LNX1: variants seen among roughly 807,000 people sequenced by gnomAD.
LNX1 encodes E3 ubiquitin-protein ligase LNX.
In LNX1, 54 loss-of-function variants were observed where a neutral mutation model predicts 68.4. That is an observed-to-expected ratio of 0.79 (90% CI 0.63 to 0.99). The LOEUF (loss-of-function observed/expected upper bound fraction) is 0.99. Ranked by LOEUF, LNX1 falls within the 50% of genes least tolerant of loss-of-function variation. The pLI, the probability that LNX1 is intolerant of heterozygous loss-of-function variation, is 0.00. For synonymous variants in LNX1, 336 were observed against 350.0 expected (o/e 0.96, Z 0.45); for missense variants, 906 against 926.4 (o/e 0.98, Z 0.29).
intron 2 of LNX1, chr4:53,558,053 C>T: frequency 1.3e-6 from 2 of 1,571,754 alleles, no homozygotes; most frequent in Non-Finnish European, 1.7e-6. Context: ...GCAAACCTTG[C>T]CATGCCCCCA....
intron 2 of LNX1, among the ~76,000 whole-genome samples, chr4:53,606,486 C>CA (rs34922679): frequency 0.012 from 1,787 of 150,788 alleles, 23 homozygotes; most frequent in African/African-American, 0.039. Context: ...AAAAAACAAA[C>CA]AAAAAAAAAA....
intron 2 of LNX1, among the ~76,000 whole-genome samples, chr4:53,529,102 A>AACAC (rs201017055): frequency 0.33 from 45,110 of 138,258 alleles, 7,347 homozygotes; most frequent in East Asian, 0.43. Context: ...AGTCCTGACC[A>AACAC]ACACACACAC....
chr4:53,467,389 GA>G (rs1278237077), intron 9 of LNX1, among the ~76,000 whole-genome samples: 1 of 152,110 alleles, frequency 6.6e-6, no homozygotes, highest in African/African-American at 2.4e-5. Flanking sequence ...CAAAGATGGA[GA>G]AAAAACAGAG....
intron 1 of LNX1, among the ~76,000 whole-genome samples, chr4:53,588,509 T>C (rs887492160): frequency 6.6e-6 from 1 of 152,132 alleles, no homozygotes; most frequent in Non-Finnish European, 1.5e-5. Flanking sequence ...CAGACCACTA[T>C]TCTAAAGCAG....
chr4:53,507,964 G>A lies in LNX1; in HGVS notation c.622+22C>T, dbSNP rs760782844. The A allele has an allele frequency of 5.0e-6, 8 of 1,602,426 alleles. No homozygotes were observed. The South Asian group carries it at 7.7e-5, about 15-fold the overall frequency. ...TCGCAAGCCAAGGAGCCCATTCCCGGACAACCACCCATTTGACTCACCCCT... is the reference window on the plus strand; with the variant it reads ...TCGCAAGCCAAGGAGCCCATTCCCGAACAACCACCCATTTGACTCACCCCT... On this transcript the variant is annotated intron_variant, in intron 3 of 10. Transcript: ENST00000263925.
chr4:53,557,827 C>G, intron 2 of LNX1: 1 of 1,609,792 alleles, frequency 6.2e-7, no homozygotes, highest in Non-Finnish European at 8.5e-7. Context: ...CCACCCCCAA[C>G]ATACTAGGCA....
intron 2 of LNX1, among the ~76,000 whole-genome samples, chr4:53,550,892 G>C (rs1169603337): frequency 8.5e-5 from 13 of 152,164 alleles, no homozygotes; most frequent in Admixed American, 8.5e-4. Context: ...TGGATAGATG[G>C]AAATAGATAC....
intron 2 of LNX1, among the ~76,000 whole-genome samples, chr4:53,568,485 T>C (rs1730874026): frequency 6.6e-6 from 1 of 151,958 alleles, no homozygotes; most frequent in Non-Finnish European, 1.5e-5. Flanking sequence ...TAGGTATTGA[T>C]GGGACATATT....
intron 2 of LNX1, among the ~76,000 whole-genome samples, chr4:53,613,731 C>T (rs572374557): frequency 1.6e-4 from 24 of 152,188 alleles, no homozygotes; most frequent in African/African-American, 5.8e-4. Context: ...AGGTTGATTC[C>T]ATGTCTTTGC....
intron 1 of LNX1, among the ~76,000 whole-genome samples, chr4:53,628,840 C>T (rs58886448): frequency 0.096 from 14,569 of 152,186 alleles, 900 homozygotes; most frequent in Non-Finnish European, 0.14. Flanking sequence ...TTGGACGAAG[C>T]AGGAGGCCAT....
At chr4:53,532,083 G>A (rs753331687) in intron 2 of LNX1, among the ~76,000 whole-genome samples, 4 of 152,176 alleles carry the variant, frequency 2.6e-5, no homozygotes, top group African/African-American at 9.6e-5. Flanking sequence ...CAAGGATGAC[G>A]TTATTTCTAA....
chr4:53,459,870 G>T lies in LNX1; in HGVS notation c.*1037C>A, dbSNP rs940663644. Reference sequence around the variant, plus strand: ...CCTCTAAGGCTTGAGATTAAAACTAGTCTTTATCATTACTGCTGTGACACT... The same window carrying T: ...CCTCTAAGGCTTGAGATTAAAACTATTCTTTATCATTACTGCTGTGACACT... On this transcript the variant is annotated 3_prime_UTR_variant, in exon 11 of 11. Transcript: ENST00000263925. The T allele has an allele frequency of 4.2e-6, 1 of 237,268 alleles. No individual in the cohort carries two copies. Among genetic ancestry groups the T allele is most frequent in the African/African-American group, 2.2e-5 (1 of 44,842 alleles). The allele number at this position is 237,268 out of a possible 1,614,324, so 14.7% of individuals were successfully genotyped here.
At chr4:53,599,983 T>C (rs11945428) in intron 2 of LNX1, among the ~76,000 whole-genome samples, 1 of 152,092 alleles carries the variant, frequency 6.6e-6, no homozygotes, top group Non-Finnish European at 1.5e-5. Flanking sequence ...CATCTGTAGC[T>C]GTTTAGATGA....
intron 2 of LNX1, among the ~76,000 whole-genome samples, chr4:53,540,481 T>C (rs1212506847): frequency 1.3e-5 from 2 of 151,978 alleles, no homozygotes; most frequent in African/African-American, 4.8e-5. Flanking sequence ...AAATAAGTGT[T>C]ATTAGCCTGG....
chr4:53,614,717 G>A (rs1733622296), intron 2 of LNX1, among the ~76,000 whole-genome samples: 1 of 152,288 alleles, frequency 6.6e-6, no homozygotes, highest in Middle Eastern at 3.4e-3. Flanking sequence ...GTCAGCCTAC[G>A]CTGTTTATGG....
Position 53,461,455 on chromosome 4 carries a change from T to G in LNX1, c.2031A>C (p.Ala677=), listed in dbSNP as rs371185131. The change falls in exon 10 of 11, where the codon GCA becomes GCC. Residue 677 remains alanine, a synonymous_variant. Coordinates refer to ENST00000263925, the MANE Select transcript of LNX1 (RefSeq NM_001126328.3). ...FIKSIVEGTP[A]YNDGRIRCGD... is the part of the protein sequence containing the mutation. The stretch of plus-strand genomic sequence containing the variant: ...ATTACCTAATTCTTCCATCATTGTA[T>G]GCTGGTGTTCCTTCAACAATGGATT... 9.9e-6 allele frequency: 16 copies of G among 1,610,586 alleles called. No individual in the cohort carries two copies. The highest frequency in any genetic ancestry group is 1.3e-5 in the Non-Finnish European group (15 of 1,177,884).
Position 53,478,621 on chromosome 4 carries a change from T to C in LNX1, c.1607A>G (p.Tyr536Cys), listed in dbSNP as rs770162008. The C allele has an allele frequency of 2.8e-5, 45 of 1,614,010 alleles. No individual in the cohort carries two copies. Among genetic ancestry groups the C allele is most frequent in the Non-Finnish European group, 3.6e-5 (42 of 1,180,012 alleles). Residue 536 changes from tyrosine to cysteine, a missense_variant, in exon 8 of 11, where the codon TAT becomes TGT. By Grantham distance (194) the Tyr-to-Cys change is radical. Transcript: ENST00000263925. ...ASHREWDLPI[Y>C]VISVEPGGVI... is the part of the protein sequence containing the mutation. ...TCCTCCGGGCTCAACACTGATGACA[T>C]AGATAGGCAAATCCCATTCTCTATG... is the stretch of plus-strand genomic sequence containing the variant.
intron 2 of LNX1, among the ~76,000 whole-genome samples, chr4:53,555,388 C>T (rs565939378): frequency 6.6e-6 from 1 of 152,286 alleles, no homozygotes; most frequent in South Asian, 2.1e-4. Flanking sequence ...ACTTCAAGAT[C>T]CAGCTTAAAC....
chr4:53,551,000 T>C (rs2109698270), intron 2 of LNX1, among the ~76,000 whole-genome samples: 1 of 152,264 alleles, frequency 6.6e-6, no homozygotes, highest in Non-Finnish European at 1.5e-5. Flanking sequence ...CCAAAATGAA[T>C]GTTCTTGTTG....
Sources: allele counts gnomAD v4.1 joint callset (sites outside exome capture counted in the v4.1 genomes callset), GRCh38; gene constraint gnomAD v4.1.1; transcripts MANE v1.5; gene names NCBI Gene and HGNC (gene_info 2026-07-23, HGNC 2026-07-21).